FNIP1: variants seen among roughly 807,000 people sequenced by gnomAD.
FNIP1 encodes folliculin interacting protein 1.
A neutral mutation model predicts 124.5 loss-of-function variants in FNIP1; 40 were observed. The ratio of observed to expected loss-of-function variants is 0.32; its 90% CI spans 0.25 to 0.42. The LOEUF (loss-of-function observed/expected upper bound fraction) is 0.42. Among genes scored for constraint, FNIP1 ranks in the 10% least tolerant of loss-of-function variants. The pLI, the probability that FNIP1 is intolerant of heterozygous loss-of-function variation, is 1.00. For missense variants in FNIP1, 1,176 were observed against 1,403.7 expected (o/e 0.84, Z 2.59); for synonymous variants, 472 against 470.6 (o/e 1.00, Z -0.04).
chr5:131,778,895 A>G lies in FNIP1; in HGVS notation c.92+17935T>C, dbSNP rs1289121205. 2.4e-5 allele frequency among the ~76,000 whole-genome samples: 3 copies of G among 124,376 alleles called. No homozygotes were observed. In the East Asian group the frequency reaches 6.6e-4, roughly 27 times the overall value. 81.6% of individuals were successfully genotyped at this position (124,376 alleles called of 152,430 possible). On this transcript the variant is annotated intron_variant, in intron 1 of 17. Coordinates refer to ENST00000510461, the MANE Select transcript of FNIP1 (RefSeq NM_133372.3). ...ATCATTCTCAGTAAACTATCGCAAG[A>G]ACAAAAAACCAAACACCGCATATTC...
rs777927791 is a variant in FNIP1 at position 131,706,587 on chromosome 5, C to G, written c.779-41G>C. The G allele has an allele frequency of 2.3e-5, 33 of 1,441,654 alleles. No homozygotes were observed. In the East Asian group the frequency reaches 7.8e-4, roughly 34 times the overall value. The allele number at this position is 1,441,654 out of a possible 1,614,324, so 89.3% of individuals were successfully genotyped here. On this transcript the variant is annotated intron_variant, in intron 8 of 17. Coordinates refer to ENST00000510461, the MANE Select transcript of FNIP1 (RefSeq NM_133372.3). ...AACAACAAGTATAAGTCAATAATGACTAAGCATAATGACAAATTTCTTTTT... is the reference window on the plus strand; with the variant it reads ...AACAACAAGTATAAGTCAATAATGAGTAAGCATAATGACAAATTTCTTTTT...
chr5:131,686,722 T>C (rs926351221), intron 11 of FNIP1, among the ~76,000 whole-genome samples: 1 of 152,194 alleles, frequency 6.6e-6, no homozygotes, highest in Non-Finnish European at 1.5e-5. Context: ...TAAATTATTA[T>C]TGACTATAGT....
intron 2 of FNIP1, among the ~76,000 whole-genome samples, chr5:131,743,899 A>T (rs776525210): frequency 3.9e-5 from 6 of 152,182 alleles, no homozygotes; most frequent in Admixed American, 2.0e-4. Flanking sequence ...CTGAAGGAAA[A>T]AGTAAAGAAA....
At chr5:131,768,028 C>G (rs776697260) in intron 1 of FNIP1, among the ~76,000 whole-genome samples, 13 of 152,036 alleles carry the variant, frequency 8.6e-5, no homozygotes, top group Non-Finnish European at 1.9e-4. Context: ...CAGGGATAGT[C>G]AGCTGCTTGG....
At chr5:131,666,421 A>G (rs1263386539) in intron 15 of FNIP1, among the ~76,000 whole-genome samples, 2 of 152,304 alleles carry the variant, frequency 1.3e-5, no homozygotes, top group East Asian at 1.9e-4. Context: ...TTTTTACCAT[A>G]GTGGAAGGAA....
intron 11 of FNIP1, among the ~76,000 whole-genome samples, chr5:131,686,539 G>A (rs767395721): frequency 1.4e-4 from 21 of 152,114 alleles, no homozygotes; most frequent in Admixed American, 3.3e-4. Context: ...CTTTAGAGAT[G>A]AGGTCTTTTA....
chr5:131,679,216 G>A (rs759386306), intron 11 of FNIP1, 41 bp from the exon 12 acceptor site: 1 of 1,161,944 alleles, frequency 8.6e-7, no homozygotes, highest in South Asian at 1.3e-5. Context: ...ATAGTTCCAA[G>A]AGTTACATAC....
chr5:131,743,272 A>C (rs1175700160), intron 2 of FNIP1, among the ~76,000 whole-genome samples: 1 of 152,160 alleles, frequency 6.6e-6, no homozygotes, highest in Non-Finnish European at 1.5e-5. Context: ...CTAGACACTG[A>C]TGAGTTTCTA....
At chr5:131,771,339 A>G (rs970752669) in intron 1 of FNIP1, among the ~76,000 whole-genome samples, 23 of 152,194 alleles carry the variant, frequency 1.5e-4, no homozygotes, top group African/African-American at 5.5e-4. Context: ...AAGGAATACA[A>G]AATAGCTTAA....
intron 2 of FNIP1, among the ~76,000 whole-genome samples, 174 bp from the exon 3 acceptor site, chr5:131,731,212 CT>C (rs1164647070): frequency 8.5e-5 from 13 of 152,182 alleles, no homozygotes; most frequent in African/African-American, 3.1e-4. Context: ...TATTCTTTGT[CT>C]CATAACTATA....
At chr5:131,733,071 A>C (rs907749954) in intron 2 of FNIP1, among the ~76,000 whole-genome samples, 31 of 151,936 alleles carry the variant, frequency 2.0e-4, no homozygotes, top group Non-Finnish European at 3.5e-4. Context: ...ATTCCTAGGT[A>C]TTTTATTCTC....
chr5:131,774,008 T>C (rs1248306545), intron 1 of FNIP1, among the ~76,000 whole-genome samples: 1 of 152,108 alleles, frequency 6.6e-6, no homozygotes, highest in Non-Finnish European at 1.5e-5. Flanking sequence ...AATGAAACAA[T>C]TATGTTTGAA....
At chr5:131,693,325 TATATATAC>T (rs1184116204) in intron 11 of FNIP1, among the ~76,000 whole-genome samples, 13 of 60,692 alleles carry the variant, frequency 2.1e-4, no homozygotes, top group Middle Eastern at 7.6e-3. Context: ...TACACATATA[TATATATAC>T]ATATATATAT....
chr5:131,702,261 C>T (rs1050316644), intron 10 of FNIP1, among the ~76,000 whole-genome samples: 2 of 152,180 alleles, frequency 1.3e-5, no homozygotes, highest in African/African-American at 4.8e-5. Context: ...ACTACAGCCT[C>T]GACCTTCTGA....
intron 2 of FNIP1, among the ~76,000 whole-genome samples, chr5:131,733,949 T>C (rs961670805): frequency 2.0e-5 from 3 of 152,204 alleles, no homozygotes; most frequent in African/African-American, 7.2e-5. Flanking sequence ...GCTGTGAATC[T>C]GTCTGGTCCT....
At chr5:131,657,758 A>AAAAAAAAAAAAAAAAAAAAAAC (rs1767248419) in intron 15 of FNIP1, among the ~76,000 whole-genome samples, 1 of 148,418 alleles carries the variant, frequency 6.7e-6, no homozygotes, top group African/African-American at 2.5e-5. Context: ...AAAAAAAAAA[A>AAAAAAAAAAAAAAAAAAAAAAC]CGGTGGGTGA....
At chr5:131,671,045 A>G (rs912395339) in intron 14 of FNIP1, among the ~76,000 whole-genome samples, 11 of 152,244 alleles carry the variant, frequency 7.2e-5, no homozygotes, top group Admixed American at 7.2e-4. Context: ...TAAATGCCTC[A>G]CAAGTCCAAA....
At chr5:131,670,776 A>G in intron 14 of FNIP1, 145 bp from the exon 15 acceptor site, 1 of 525,054 alleles carries the variant, frequency 1.9e-6, no homozygotes, top group Non-Finnish European at 3.2e-6. Context: ...ATATAATGGT[A>G]ACAATCGTAA....
At chr5:131,725,377 G>A (rs1312005973) in intron 3 of FNIP1, among the ~76,000 whole-genome samples, 2 of 151,982 alleles carry the variant, frequency 1.3e-5, no homozygotes, top group Non-Finnish European at 2.9e-5. Context: ...CTTTTTCCTT[G>A]AGCAGTGGTT....
Sources: allele counts gnomAD v4.1 joint callset (sites outside exome capture counted in the v4.1 genomes callset), GRCh38; gene constraint gnomAD v4.1.1; transcripts MANE v1.5; gene names NCBI Gene and HGNC (gene_info 2026-07-23, HGNC 2026-07-21).